DOP1B: variants seen among roughly 807,000 people sequenced by gnomAD.
The protein encoded by DOP1B is DOP1 leucine zipper like protein B.
DOP1B carries 174 observed loss-of-function variants against 233.5 expected under a neutral mutation model. That is an observed-to-expected ratio of 0.75 (90% CI 0.66 to 0.85). DOP1B has a LOEUF of 0.85. Among genes scored for constraint, DOP1B ranks in the 40% least tolerant of loss-of-function variants. DOP1B has a pLI of 0.00. For missense variants in DOP1B, 2,652 were observed against 2,846.6 expected, an observed-to-expected ratio of 0.93 and a Z score of 1.56; for synonymous variants, 1,190 against 1,185.6, an observed-to-expected ratio of 1.00 and a Z score of -0.08.
intron 24 of DOP1B, chr21:36,261,430 G>A (rs2067170495): frequency 1.0e-6 from 1 of 988,428 alleles, no homozygotes; most frequent in Non-Finnish European, 1.2e-6. Flanking sequence ...GCCTTCCCAT[G>A]TTTTATGTGG....
chr21:36,268,194 G>C (rs568583996), intron 26 of DOP1B, among the ~76,000 whole-genome samples: 1 of 152,264 alleles, frequency 6.6e-6, no homozygotes, highest in Non-Finnish European at 1.5e-5. Flanking sequence ...GCATAAGACA[G>C]ACATTCCCAC....
Position 36,246,614 on chromosome 21 carries a change from T to G in DOP1B, c.4634T>G (p.Ile1545Ser), listed in dbSNP as rs577509412. 10 of 1,614,008 alleles carry G rather than the reference T, an allele frequency of 6.2e-6. No individual in the cohort carries two copies. Among genetic ancestry groups the G allele is most frequent in the Non-Finnish European group, 8.5e-6 (10 of 1,180,052 alleles). Residue 1545 changes from isoleucine (I) to serine (S), a missense_variant, in exon 19 of 37, where the codon ATT becomes AGT. Around this residue, in one of 3 missense-constraint regions of DOP1B, gnomAD observed 2,617 missense variants for 2,794.3 expected, o/e 0.94. Transcript: ENST00000691173. This position sits in a 1 kb window ranked among gnomAD's most constrained non-coding sequence, Gnocchi z 5.1. Reference protein sequence around the residue: ...GWTVTPFVVQICKNLDDLVKQ... With the variant: ...GWTVTPFVVQSCKNLDDLVKQ... ...ACGGTGACACCCTTTGTTGTCCAGA[T>G]TTGCAAAAACTTGGATGACTTGGTC...
At chr21:36,210,624 G>A (rs992749557) in intron 5 of DOP1B, among the ~76,000 whole-genome samples, 1 of 152,136 alleles carries the variant, frequency 6.6e-6, no homozygotes, top group African/African-American at 2.4e-5. Context: ...CAGCCTGGGT[G>A]TCAAAGCGAG....
intron 23 of DOP1B, among the ~76,000 whole-genome samples, chr21:36,257,470 G>C (rs951268959): frequency 3.9e-5 from 6 of 152,210 alleles, no homozygotes; most frequent in African/African-American, 1.4e-4. Context: ...ACCCTCTCCA[G>C]AATGAGGGTC....
intron 2 of DOP1B, among the ~76,000 whole-genome samples, chr21:36,176,097 C>CATGTGTGTGTGTGTGTGTGTGT (rs1555886144): frequency 0.027 from 3,785 of 141,808 alleles, 78 homozygotes; most frequent in East Asian, 0.05. Context: ...GGTGTGTGTG[C>CATGTGTGTGTGTGTGTGTGTGT]GTGTGTGTGT....
At chr21:36,230,152 A>G (rs972312422) in intron 13 of DOP1B, among the ~76,000 whole-genome samples, 9 of 152,162 alleles carry the variant, frequency 5.9e-5, no homozygotes, top group Admixed American at 2.0e-4. Context: ...ATTCTTAAAC[A>G]ACTTTTTTGA....
intron 35 of DOP1B, among the ~76,000 whole-genome samples, chr21:36,289,424 GGTGTGTGTGTGT>G (rs59907412): frequency 0.094 from 13,564 of 144,642 alleles, 738 homozygotes; most frequent in South Asian, 0.21. Flanking sequence ...GTGTTTCTAT[GGTGTGTGTGTGT>G]GTGTGTGTGT....
intron 13 of DOP1B, among the ~76,000 whole-genome samples, chr21:36,229,610 T>G (rs116688126): frequency 0.03 from 4,597 of 151,724 alleles, 226 homozygotes; most frequent in African/African-American, 0.11. Context: ...AACCTATTTT[T>G]GGGGGACACC....
rs143550236 is a variant in DOP1B, at chr21:36,246,007, G to C, written c.4027G>C (p.Asp1343His). Reference protein sequence around the residue: ...VSHRDILGNRDVQVKSVEVLI... With the variant: ...VSHRDILGNRHVQVKSVEVLI... ...GCACCGAGACATTCTCGGCAACCGG[G>C]ACGTGCAGGTCAAAAGTGTCGAGGT... Residue 1343 changes from aspartate (D) to histidine (H), a missense_variant, in exon 19 of 37, where the codon GAC becomes CAC. Physicochemically the swap from Asp to His is moderately conservative, Grantham distance 81 (BLOSUM62 -1). Transcript: ENST00000691173. This position sits in a 1 kb window ranked among gnomAD's most constrained non-coding sequence, Gnocchi z 5.1. 6.2e-7 allele frequency: 1 copy of C among 1,613,914 alleles called. No individual in the cohort carries two copies. Among genetic ancestry groups the C allele is most frequent in the African/African-American group, 1.3e-5 (1 of 74,870 alleles).
chr21:36,249,407 G>A lies in DOP1B; in HGVS notation c.4998+839G>A, dbSNP rs144905485. On this transcript the variant is annotated intron_variant, in intron 21 of 36. Transcript: ENST00000691173. ...CACGCCAGTGCACTCAAGCCTGGGTGACAGAGTGAGACCCTGTCTCAAAAA... is the reference window on the plus strand; with the variant it reads ...CACGCCAGTGCACTCAAGCCTGGGTAACAGAGTGAGACCCTGTCTCAAAAA... 5.6e-3 allele frequency among the ~76,000 whole-genome samples: 855 copies of A among 152,286 alleles called. 10 individuals are homozygous for A. Among genetic ancestry groups the A allele is most frequent in the African/African-American group, 0.02 (819 of 41,568 alleles).
At chr21:36,270,620 A>C (rs2067277727) in intron 27 of DOP1B, among the ~76,000 whole-genome samples, 1 of 148,748 alleles carries the variant, frequency 6.7e-6, no homozygotes, top group Admixed American at 6.8e-5. Flanking sequence ...ACTTTAGAAA[A>C]CATCACTTTG....
rs1488293233 is a variant in DOP1B, at chr21:36,289,088, G to A, written c.6397G>A (p.Ala2133Thr). 1.9e-6 allele frequency: 3 copies of A among 1,613,512 alleles called. No individual in the cohort carries two copies. Among genetic ancestry groups the A allele is most frequent in the Non-Finnish European group, 2.5e-6 (3 of 1,179,900 alleles). Residue 2133 changes from alanine to threonine, a missense_variant, in exon 35 of 37, where the codon GCA becomes ACA. Ala to Thr is a moderately conservative substitution (Grantham distance 58). Transcript: ENST00000691173. ...CAGAACGAAAGTTTCAGTCCCGGAT[G>A]CAAATGGACCCTCAGTGGGGGAGAT... Reference protein sequence around the residue: ...VNRTKVSVPDANGPSVGEIPQ... With the variant: ...VNRTKVSVPDTNGPSVGEIPQ...
At chr21:36,248,749 G>A (rs958136599) in intron 21 of DOP1B, among the ~76,000 whole-genome samples, 181 bp downstream of exon 21, 1 of 152,188 alleles carries the variant, frequency 6.6e-6, no homozygotes, top group Non-Finnish European at 1.5e-5. Context: ...CTGAAATGGA[G>A]GAGTCTGAGT....
chr21:36,231,682 T>G (rs932344897), intron 14 of DOP1B, among the ~76,000 whole-genome samples: 2 of 149,354 alleles, frequency 1.3e-5, no homozygotes, highest in Admixed American at 1.3e-4. Flanking sequence ...TTTTTTTGTT[T>G]TTTTTTTTTT....
intron 26 of DOP1B, among the ~76,000 whole-genome samples, chr21:36,264,645 G>A (rs1287924945): frequency 6.6e-6 from 1 of 151,800 alleles, no homozygotes; most frequent in Non-Finnish European, 1.5e-5. Flanking sequence ...CTAATTTTTT[G>A]TATTTTTAGT....
intron 9 of DOP1B, among the ~76,000 whole-genome samples, chr21:36,218,128 TG>T (rs1363330897): frequency 6.6e-6 from 1 of 152,238 alleles, no homozygotes; most frequent in Non-Finnish European, 1.5e-5. Flanking sequence ...CCATACTTTT[TG>T]TGGCTGGGCT....
intron 23 of DOP1B, among the ~76,000 whole-genome samples, chr21:36,259,053 C>T (rs977892140): frequency 1.3e-5 from 2 of 150,478 alleles, no homozygotes; most frequent in African/African-American, 4.9e-5. Context: ...GCAAGCTCCA[C>T]CTCCCAGGTT....
At chr21:36,169,694 G>A in intron 2 of DOP1B, 1 of 905,294 alleles carries the variant, frequency 1.1e-6, no homozygotes, top group Admixed American at 1.7e-5. Context: ...GGTGTGGGCA[G>A]CGAGGCGGGT....
At chr21:36,242,512 C>T (rs944118701) in intron 18 of DOP1B, among the ~76,000 whole-genome samples, 4 of 151,970 alleles carry the variant, frequency 2.6e-5, no homozygotes, top group Non-Finnish European at 5.9e-5. Flanking sequence ...GGTGTTTCGC[C>T]ATGTTGGCTA....
Sources: gnomAD v4.1 joint callset for allele counts (sites outside exome capture counted in the v4.1 genomes callset) on GRCh38, gnomAD v4.1.1 for gene constraint, gnomAD v4.1.1 regional missense constraint, Gnocchi (gnomAD v3.1) non-coding constraint, MANE v1.5 for transcripts, NCBI Gene and HGNC (gene_info 2026-07-23, HGNC 2026-07-21) for gene names.